Variants in FKBP5 observed in about 807,000 individuals in gnomAD.
FKBP5 encodes peptidyl-prolyl cis-trans isomerase FKBP5.
A neutral mutation model predicts 50.5 loss-of-function variants in FKBP5; 23 were observed. That is an observed-to-expected ratio of 0.46 (90% CI 0.33 to 0.65). The LOEUF is 0.65. Ranked by LOEUF, FKBP5 falls within the 30% of genes least tolerant of loss-of-function variation. The pLI, the probability that FKBP5 is intolerant of heterozygous loss-of-function variation, is 0.02. For missense variants in FKBP5, 411 were observed against 553.1 expected (o/e 0.74, Z 2.58); for synonymous variants, 176 against 190.6 (o/e 0.92, Z 0.63).
At chr6:35,610,032 C>G (rs1470679379) in intron 5 of FKBP5, among the ~76,000 whole-genome samples, 4 of 152,120 alleles carry the variant, frequency 2.6e-5, no homozygotes, top group Non-Finnish European at 4.4e-5. Flanking sequence ...GATCAAATGA[C>G]TATAGTTAGC....
chr6:35,614,871 T>C (rs961105428), intron 5 of FKBP5, among the ~76,000 whole-genome samples: 1 of 152,040 alleles, frequency 6.6e-6, no homozygotes, highest in African/African-American at 2.4e-5. Flanking sequence ...ATTCCTGTAA[T>C]TCCAGCACTT....
intron 3 of FKBP5, among the ~76,000 whole-genome samples, chr6:35,636,156 G>GTA (rs1764304141): frequency 6.6e-6 from 1 of 152,098 alleles, no homozygotes; most frequent in African/African-American, 2.4e-5. Flanking sequence ...ACATTTCATT[G>GTA]TATATTTAAA....
chr6:35,669,116 A>C (rs541511122), intron 1 of FKBP5, among the ~76,000 whole-genome samples: 2 of 152,346 alleles, frequency 1.3e-5, no homozygotes, highest in South Asian at 4.1e-4. Context: ...AATCACAGGA[A>C]AACAAAGTTA....
At chr6:35,691,540 GCAA>G (rs1431876717), upstream of FKBP5, among the ~76,000 whole-genome samples, 2 of 152,134 alleles carry the variant, frequency 1.3e-5, no homozygotes, top group African/African-American at 2.4e-5. Flanking sequence ...ATACACCGCA[GCAA>G]CAACAACAGG....
Position 35,660,264 on chromosome 6 carries a change from A to ATT in FKBP5, c.-19-17423_-19-17422dup, listed in dbSNP as rs773891773. Among the ~76,000 whole-genome samples the ATT allele has an allele frequency of 3.6e-3, 169 of 46,704 alleles. 21 individuals carry two copies. The highest frequency in any genetic ancestry group is 7.8e-3 in the East Asian group (13 of 1,668). The allele number at this position is 46,704 out of a possible 152,430, so 30.6% of individuals were successfully genotyped here. On this transcript the variant is annotated intron_variant, in intron 1 of 10. Coordinates refer to ENST00000357266, the MANE Select transcript of FKBP5 (RefSeq NM_004117.4). ...AAGTCACTTTAAATGCATTGATGCT[A>ATT]TTTTTTTTTTTTTTTTTTTTTGAGA... is the stretch of plus-strand genomic sequence containing the variant.
rs1762372341 is a variant in FKBP5 at position 35,580,027 on chromosome 6, C to CGA, written c.1026+7_1026+8dup. 1 of 1,607,530 alleles carries CGA rather than the reference C, an allele frequency of 6.2e-7. No individual in the cohort carries two copies. The highest frequency in any genetic ancestry group is 8.5e-7 in the Non-Finnish European group (1 of 1,174,598). ...TCTAAAGTCCATCTCACAGGAGACA[C>CGA]GATGTTACCTTGTCACAGCATTCAA... On this transcript the variant is annotated intron_variant, in intron 9 of 10. Coordinates refer to ENST00000357266, the MANE Select transcript of FKBP5 (RefSeq NM_004117.4).
At chr6:35,663,779 A>C (rs1476829467) in intron 1 of FKBP5, among the ~76,000 whole-genome samples, 1 of 152,194 alleles carries the variant, frequency 6.6e-6, no homozygotes, top group African/African-American at 2.4e-5. Context: ...TGTTACCGGA[A>C]ATAAAAGAGC....
chr6:35,674,340 A>G (rs2151006476), intron 1 of FKBP5, among the ~76,000 whole-genome samples: 1 of 152,328 alleles, frequency 6.6e-6, no homozygotes, highest in South Asian at 2.1e-4. Context: ...GGAGATACAG[A>G]CTTAGAAATT....
chr6:35,640,411 T>G (rs1456112452), intron 2 of FKBP5, among the ~76,000 whole-genome samples: 1 of 152,180 alleles, frequency 6.6e-6, no homozygotes, highest in Non-Finnish European at 1.5e-5. Flanking sequence ...ATGGTACACC[T>G]ATACAGAACA....
chr6:35,687,362 G>A (rs1765856932), intron 1 of FKBP5, among the ~76,000 whole-genome samples: 1 of 152,150 alleles, frequency 6.6e-6, no homozygotes, highest in Non-Finnish European at 1.5e-5. Flanking sequence ...ACAGAAAATG[G>A]TGAAGTGAAA....
intron 1 of FKBP5, among the ~76,000 whole-genome samples, chr6:35,687,434 G>T (rs1765858582): frequency 6.6e-6 from 1 of 152,044 alleles, no homozygotes; most frequent in Non-Finnish European, 1.5e-5. Context: ...CTTGGCTTTT[G>T]ATTCAAACAC....
At chr6:35,589,420 C>T (rs1346994828) in intron 7 of FKBP5, among the ~76,000 whole-genome samples, 3 of 152,202 alleles carry the variant, frequency 2.0e-5, no homozygotes, top group South Asian at 4.1e-4. Flanking sequence ...TGAGCCACAG[C>T]GCCCAGCCTG....
At chr6:35,579,911 T>C (rs553228179) in intron 9 of FKBP5, 125 bp downstream of exon 9, 40 of 679,654 alleles carry the variant, frequency 5.9e-5, no homozygotes, top group Non-Finnish European at 9.1e-5. Flanking sequence ...ATCCCAAACA[T>C]TCAAATAAAT....
intron 1 of FKBP5, among the ~76,000 whole-genome samples, chr6:35,646,573 G>GA (rs1260359536): frequency 9.2e-5 from 14 of 152,086 alleles, no homozygotes; most frequent in African/African-American, 3.1e-4. Context: ...ATATAAAAAA[G>GA]ACAGTAAGGA....
chr6:35,666,494 GAC>G (rs1156780917), intron 1 of FKBP5, among the ~76,000 whole-genome samples: 3 of 137,290 alleles, frequency 2.2e-5, no homozygotes, highest in Non-Finnish European at 4.6e-5. Context: ...TAAAAATAAA[GAC>G]ACAGTTACAA....
chr6:35,689,426 G>A (rs1294428984), upstream of FKBP5, among the ~76,000 whole-genome samples: 1 of 152,018 alleles, frequency 6.6e-6, no homozygotes, highest in Non-Finnish European at 1.5e-5. Flanking sequence ...ATCCCACCTC[G>A]AGAACCAATT....
intron 1 of FKBP5, among the ~76,000 whole-genome samples, chr6:35,685,851 G>A (rs886590991): frequency 1.6e-4 from 24 of 152,072 alleles, no homozygotes; most frequent in Non-Finnish European, 2.6e-4. Flanking sequence ...ACATGGTGGC[G>A]CAGGCCTGTA....
chr6:35,614,355 T>C (rs1289613712), intron 5 of FKBP5, among the ~76,000 whole-genome samples: 5 of 152,212 alleles, frequency 3.3e-5, no homozygotes, highest in African/African-American at 7.2e-5. Context: ...AATGACACTT[T>C]TGAGTATATC....
At chr6:35,697,381 C>T (rs1168143701) in intron 2 of FKBP5, among the ~76,000 whole-genome samples, 4 of 152,080 alleles carry the variant, frequency 2.6e-5, no homozygotes, top group Admixed American at 2.0e-4. Flanking sequence ...AACTCCATCT[C>T]TACTAAAAAT....
Sources: allele counts gnomAD v4.1 joint callset (sites outside exome capture counted in the v4.1 genomes callset), GRCh38; gene constraint gnomAD v4.1.1; transcripts MANE v1.5; gene names NCBI Gene and HGNC (gene_info 2026-07-23, HGNC 2026-07-21).